The following IL1RAPL1 variants were observed in gnomAD, a reference collection of about 807,000 sequenced individuals.
IL1RAPL1 encodes interleukin 1 receptor accessory protein like 1.
Under a neutral mutation model 48.4 loss-of-function variants are expected in IL1RAPL1, and 3 were observed. The ratio of observed to expected loss-of-function variants is 0.06; its 90% CI spans 0.03 to 0.16. The LOEUF (loss-of-function observed/expected upper bound fraction) is 0.16. IL1RAPL1 is among the 10% of genes least tolerant of loss of function. The pLI, the probability that IL1RAPL1 is intolerant of heterozygous loss-of-function variation, is 1.00. For missense variants in IL1RAPL1, 349 were observed against 530.6 expected, an observed-to-expected ratio of 0.66 and a Z score of 3.36; for synonymous variants, 185 against 187.7, an observed-to-expected ratio of 0.99 and a Z score of 0.12.
chrX:29,615,663 T>G (rs901445279), intron 5 of IL1RAPL1, among the ~76,000 whole-genome samples: 8 of 111,078 alleles, frequency 7.2e-5, no homozygotes, highest in African/African-American at 2.3e-4. Flanking sequence ...CACTCTGCCT[T>G]AACAGTTTAC....
intron 1 of IL1RAPL1, among the ~76,000 whole-genome samples, chrX:28,772,001 G>A (rs1205575671): frequency 9.1e-6 from 1 of 109,544 alleles, no homozygotes; most frequent in Non-Finnish European, 1.9e-5. Flanking sequence ...CTAGCTTTTG[G>A]AAACAACTTT....
intron 6 of IL1RAPL1, among the ~76,000 whole-genome samples, chrX:29,771,430 T>G (rs1039973091): frequency 1.5e-4 from 17 of 112,122 alleles, no homozygotes; most frequent in Admixed American, 1.4e-3. Context: ...AGATAGAATT[T>G]TTGGTAGGGC....
At chrX:29,154,267 C>T (rs781593114) in intron 2 of IL1RAPL1, among the ~76,000 whole-genome samples, 2 of 111,519 alleles carry the variant, frequency 1.8e-5, no homozygotes, top group Admixed American at 9.6e-5. Context: ...GGGCCAGGTG[C>T]GGTGGTTCAC....
At chrX:29,869,975 T>C (rs1168831471) in intron 6 of IL1RAPL1, among the ~76,000 whole-genome samples, 2 of 110,691 alleles carry the variant, frequency 1.8e-5, no homozygotes, top group Non-Finnish European at 3.8e-5. Flanking sequence ...AGTGGTAACA[T>C]ATATAAGAAG....
At chrX:29,563,171 T>C (rs1177594467) in intron 5 of IL1RAPL1, among the ~76,000 whole-genome samples, 1 of 109,200 alleles carries the variant, frequency 9.2e-6, no homozygotes, top group Non-Finnish European at 1.9e-5. Flanking sequence ...CTGATTCAGA[T>C]AGTTAAATTA....
intron 2 of IL1RAPL1, among the ~76,000 whole-genome samples, chrX:28,828,681 G>A (rs1363433123): frequency 8.9e-6 from 1 of 111,938 alleles, no homozygotes; most frequent in East Asian, 2.8e-4. Context: ...GACTATAAAT[G>A]TGAGGGTTTA....
intron 2 of IL1RAPL1, among the ~76,000 whole-genome samples, chrX:29,023,314 G>A (rs1320092959): frequency 2.7e-5 from 3 of 111,979 alleles, no homozygotes; most frequent in Admixed American, 9.5e-5. Flanking sequence ...CAGTTACATT[G>A]TAATGTTTAG....
At position 29,837,294 on chromosome X, in the gene IL1RAPL1, TATATATAC is replaced by T. The variant is rs1156739947; in HGVS notation, c.779-80168_779-80161del. ...AAAAATATATATATATATATATATA[TATATATAC>T]ACACACACACACACACACATATATA... On this transcript the variant is annotated intron_variant, in intron 6 of 10. Transcript: ENST00000378993. 7.7e-3 allele frequency among the ~76,000 whole-genome samples: 576 copies of T among 74,850 alleles called. 12 individuals carry two copies. Among genetic ancestry groups the T allele is most frequent in the African/African-American group, 0.023 (370 of 15,788 alleles). 65.0% of individuals were successfully genotyped at this position (74,850 alleles called of 115,157 possible).
intron 2 of IL1RAPL1, among the ~76,000 whole-genome samples, chrX:28,956,745 T>A (rs1346685805): frequency 9.3e-6 from 1 of 107,097 alleles, no homozygotes; most frequent in Non-Finnish European, 1.9e-5. Context: ...TGTCTCTGCC[T>A]GGCTTTGGTA....
intron 2 of IL1RAPL1, among the ~76,000 whole-genome samples, chrX:28,802,480 T>C (rs986103912): frequency 2.3e-4 from 26 of 112,369 alleles, no homozygotes; most frequent in African/African-American, 7.1e-4. Context: ...CTTGTGAGTA[T>C]TCTCAACACT....
chrX:29,748,813 G>A (rs921465671), intron 6 of IL1RAPL1, among the ~76,000 whole-genome samples: 56 of 105,283 alleles, frequency 5.3e-4, no homozygotes, highest in Non-Finnish European at 5.6e-4. Flanking sequence ...CATATAGTGA[G>A]CAAAATTAGG....
chrX:29,352,253 TTTAG>T (rs1352255718), intron 3 of IL1RAPL1, among the ~76,000 whole-genome samples: 1 of 111,127 alleles, frequency 9.0e-6, no homozygotes, highest in Non-Finnish European at 1.9e-5. Flanking sequence ...TCTTTTTGTG[TTTAG>T]TTGTTTTGTT....
intron 5 of IL1RAPL1, among the ~76,000 whole-genome samples, chrX:29,560,510 C>T (rs190441163): frequency 1.8e-5 from 2 of 111,502 alleles, no homozygotes; most frequent in East Asian, 5.6e-4. Flanking sequence ...GTGAATGTAT[C>T]GGTTCTCTTC....
Position 29,735,236 on chromosome X carries a change from G to A in IL1RAPL1, c.778+66732G>A, listed in dbSNP as rs765535484. ...CATGGTCTCTTCCTCCATCTTCAAA[G>A]CTGGCAATGTCTACTTGTGTGTTTC... is the stretch of plus-strand genomic sequence containing the variant. On this transcript the variant is annotated intron_variant, in intron 6 of 10. Transcript: ENST00000378993. Among the ~76,000 whole-genome samples, 10 of 111,025 alleles carry A rather than the reference G, an allele frequency of 9.0e-5. No homozygotes were observed. In the South Asian group the frequency reaches 3.9e-3, roughly 44 times the overall value.
chrX:29,488,530 G>A (rs1935121222), intron 5 of IL1RAPL1, among the ~76,000 whole-genome samples: 1 of 112,290 alleles, frequency 8.9e-6, no homozygotes, highest in East Asian at 2.8e-4. Flanking sequence ...AATGTGTTGT[G>A]TATTGGAAAA....
intron 5 of IL1RAPL1, among the ~76,000 whole-genome samples, chrX:29,515,647 A>C (rs1482535043): frequency 8.9e-6 from 1 of 111,869 alleles, no homozygotes; most frequent in African/African-American, 3.2e-5. Context: ...TTACCTGATG[A>C]AGTATATCTG....
chrX:29,680,231 TCTCTA>T (rs1262407572), intron 6 of IL1RAPL1, among the ~76,000 whole-genome samples: 1 of 111,575 alleles, frequency 9.0e-6, no homozygotes, highest in Non-Finnish European at 1.9e-5. Context: ...CTGTCTTTCT[TCTCTA>T]CTCTTTCTGC....
intron 2 of IL1RAPL1, among the ~76,000 whole-genome samples, chrX:29,095,752 C>A (rs1393516084): frequency 1.0e-5 from 1 of 98,161 alleles, no homozygotes; most frequent in Non-Finnish European, 2.1e-5. Flanking sequence ...AATTTGAATT[C>A]ATGGCAATAC....
At chrX:29,410,331 C>T (rs1334553810) in intron 5 of IL1RAPL1, among the ~76,000 whole-genome samples, 3 of 108,885 alleles carry the variant, frequency 2.8e-5, no homozygotes, top group Non-Finnish European at 3.8e-5. Flanking sequence ...TGTGGTGGTG[C>T]GTGCCTGTAG....
Sources: allele counts gnomAD v4.1 joint callset (sites outside exome capture counted in the v4.1 genomes callset), GRCh38; gene constraint gnomAD v4.1.1; transcripts MANE v1.5; gene names NCBI Gene and HGNC (gene_info 2026-07-23, HGNC 2026-07-21).